The following ECEL1 variants were observed in gnomAD, a reference collection of about 807,000 sequenced individuals.
ECEL1 encodes the protein endothelin-converting enzyme-like 1.
A neutral mutation model predicts 101.8 loss-of-function variants in ECEL1; 87 were observed. The ratio of observed to expected loss-of-function variants is 0.85; its 90% CI spans 0.72 to 1.02. The LOEUF (loss-of-function observed/expected upper bound fraction) is 1.02, where lower values mean the gene tolerates loss of function less well. Among genes scored for constraint, ECEL1 ranks in the 50% least tolerant of loss-of-function variants. The pLI is 0.00. For missense variants in ECEL1, 1,032 were observed against 1,079.2 expected (o/e 0.96, Z 0.61); for synonymous variants, 487 against 468.7 (o/e 1.04, Z -0.50).
At position 232,482,573 on chromosome 2, in the gene ECEL1, T is replaced by G. The variant is rs370641510; in HGVS notation, c.1721A>C (p.Tyr574Ser). The G allele has an allele frequency of 2.5e-6, 4 of 1,613,560 alleles. No individual in the cohort carries two copies. The highest frequency in any genetic ancestry group is 3.4e-6 in the Non-Finnish European group (4 of 1,179,888). ...ACCCATCTGGTTCTTGTTGGGTAGATAGTAGGCATTGAGCGCCTGTGGGGG... is the reference window on the plus strand; with the variant it reads ...ACCCATCTGGTTCTTGTTGGGTAGAGAGTAGGCATTGAGCGCCTGTGGGGG... Reference protein sequence around the residue: ...LLPPQALNAYYLPNKNQMVFP... With the variant: ...LLPPQALNAYSLPNKNQMVFP... The change falls in exon 11 of 18, where the codon TAT becomes TCT. Residue 574 changes from tyrosine (Y) to serine (S), a missense_variant. Coordinates refer to ENST00000304546, the MANE Select transcript of ECEL1 (RefSeq NM_004826.4).
At position 232,482,482 on chromosome 2, in the gene ECEL1, G is replaced by C; in HGVS notation, c.1745-13C>G. ...CCCGCGGGGAACACTACAAGAAGGG[G>C]GTGCTCAGTGGGAAACCCATCCACT... On this transcript the variant is annotated splice_polypyrimidine_tract_variant and intron_variant, in intron 11 of 17. Coordinates refer to ENST00000304546, the MANE Select transcript of ECEL1 (RefSeq NM_004826.4). 5.0e-6 allele frequency: 8 copies of C among 1,614,012 alleles called. No homozygotes were observed. The highest frequency in any genetic ancestry group is 5.9e-6 in the Non-Finnish European group (7 of 1,180,012).
In ECEL1 at chr2:232,479,980, C is replaced by T; in HGVS notation, c.*173G>A. ...CACAGCCCCCCAAAGTCCAGCCTCA[C>T]CCTGCTCCAGGCCCCTCCTGAAGTG... On this transcript the variant is annotated 3_prime_UTR_variant, in exon 18 of 18. Transcript: ENST00000304546. 1 of 640,230 alleles carries T rather than the reference C, an allele frequency of 1.6e-6. No individual in the cohort carries two copies. The highest frequency in any genetic ancestry group is 2.7e-6 in the Non-Finnish European group (1 of 365,206). 39.7% of individuals were successfully genotyped at this position (640,230 alleles called of 1,614,324 possible). A position where few individuals can be genotyped will look rare whatever the true frequency, so the allele number is the denominator to read the frequency against.
At position 232,480,452 on chromosome 2, in the gene ECEL1, C is replaced by T. The variant is rs199696717; in HGVS notation, c.2175G>A (p.Ser725=). Residue 725 remains serine (S), a synonymous_variant, in exon 17 of 18, where the codon TCG becomes TCA. Coordinates refer to ENST00000304546, the MANE Select transcript of ECEL1 (RefSeq NM_004826.4). ...TCAGCACCTGCAGGTAGATGGACTG[C>T]GACCGCCGCTTGATGCACCAGTTCT... ...FAQNWCIKRR[S]QSIYLQVLTD... 272 of 1,613,864 alleles carry T rather than the reference C, an allele frequency of 1.7e-4. 1 individual carries two copies. The African/African-American group carries it at 2.5e-3, about 15-fold the overall frequency.
At position 232,486,162 on chromosome 2, in the gene ECEL1, CAGG is replaced by C; in HGVS notation, c.489_491del (p.Leu165del). ...CAGGCCCACCCCCGGGCCGCGCCAG[CAGG>C]CGCCGTAGGCGCTCCTCGTTTTGCT... On this transcript the variant is annotated inframe_deletion, in exon 2 of 18. Transcript: ENST00000304546. 7.6e-6 allele frequency: 12 copies of C among 1,576,026 alleles called. No individual in the cohort carries two copies. Among genetic ancestry groups the C allele is most frequent in the Non-Finnish European group, 1.0e-5 (12 of 1,166,614 alleles).
chr2:232,486,155 G>A lies in ECEL1; in HGVS notation c.499C>T (p.Arg167Trp), dbSNP rs1275600002. ...GCGCCGCCAGGCCCACCCCCGGGCC[G>A]CGCCAGCAGGCGCCGTAGGCGCTCC... ...NEERLRRLLARPGGGPGGAAQ... is the reference protein window; with the variant it reads ...NEERLRRLLAWPGGGPGGAAQ... Residue 167 changes from arginine to tryptophan, a missense_variant, in exon 2 of 18, where the codon CGG (arginine) becomes TGG (tryptophan). Coordinates refer to ENST00000304546, the MANE Select transcript of ECEL1 (RefSeq NM_004826.4). 1.3e-6 allele frequency: 2 copies of A among 1,568,168 alleles called. No individual in the cohort carries two copies. The highest frequency in any genetic ancestry group is 8.6e-7 in the Non-Finnish European group (1 of 1,162,572).
intron 8 of ECEL1, 94 bp downstream of exon 8, chr2:232,483,322 G>T: frequency 6.5e-7 from 1 of 1,544,586 alleles, no homozygotes; most frequent in South Asian, 1.2e-5. Flanking sequence ...TCAACTCCAC[G>T]AAGGCCTCTT....
At position 232,482,435 on chromosome 2, in the gene ECEL1, G is replaced by A. The variant is rs552489480; in HGVS notation, c.1779C>T (p.Tyr593=). ...FPAGILQPTL[Y]DPDFPQSLNY... The stretch of plus-strand genomic sequence containing the variant: ...GTACTCACTGTGGGAAGTCAGGGTC[G>A]TACAGGGTGGGCTGCAGGATGCCCG... The change falls in exon 12 of 18, where the codon TAC becomes TAT. Residue 593 remains tyrosine, a synonymous_variant. Coordinates refer to ENST00000304546, the MANE Select transcript of ECEL1 (RefSeq NM_004826.4). 70 of 1,613,990 alleles carry A rather than the reference G, an allele frequency of 4.3e-5. No individual in the cohort carries two copies. The highest frequency in any genetic ancestry group is 1.3e-4 in the South Asian group (12 of 91,084).
intron 12 of ECEL1, 150 bp from the exon 13 acceptor site, chr2:232,481,999 T>C (rs1690592462): frequency 6.5e-6 from 6 of 929,650 alleles, no homozygotes; most frequent in Non-Finnish European, 8.1e-6. Context: ...CACATGTGCC[T>C]CAGCTTCCTC....
chr2:232,485,890 T>C lies in ECEL1; in HGVS notation c.764A>G (p.Asn255Ser). ...FSLTVSLDDR[N>S]SSRYVIRIDQ... is the part of the protein sequence containing the mutation. ...CACGCGGATGACGTAGCGCGAGGAG[T>C]TCCTGTCGTCCAGGCTGACCGTGAG... The change falls in exon 2 of 18, where the codon AAC becomes AGC. Residue 255 changes from asparagine to serine, a missense_variant. Transcript: ENST00000304546. The C allele has an allele frequency of 6.4e-7, 1 of 1,562,064 alleles. No individual in the cohort carries two copies.
intron 7 of ECEL1, 46 bp downstream of exon 7, chr2:232,483,955 C>T (rs745982193): frequency 4.5e-6 from 7 of 1,553,650 alleles, no homozygotes; most frequent in South Asian, 3.7e-5. Context: ...GAGGGCTCCA[C>T]CCTCAGTTCA....
chr2:232,480,269 C>A lies in ECEL1; in HGVS notation c.2229-17G>T. ...CCCAGCACCCTGGGGTGGGGAGAGA[C>A]CCACACAGTGTTGGGCCCTGCAGCC... On this transcript the variant is annotated splice_polypyrimidine_tract_variant and intron_variant, in intron 17 of 17. Transcript: ENST00000304546. 6.2e-7 allele frequency: 1 copy of A among 1,613,222 alleles called. No individual in the cohort carries two copies. The highest frequency in any genetic ancestry group is 1.1e-5 in the South Asian group (1 of 91,048).
intron 5 of ECEL1, 63 bp from the exon 6 acceptor site, chr2:232,484,659 G>A: frequency 1.2e-6 from 2 of 1,606,812 alleles, no homozygotes; most frequent in Middle Eastern, 1.7e-4. Flanking sequence ...AGACAGGGAG[G>A]GGGCAGAGAG....
Position 232,484,811 on chromosome 2 carries a change from ATCT to A in ECEL1, c.1046_1048del (p.Lys349del). On this transcript the variant is annotated inframe_deletion, in exon 5 of 18. Transcript: ENST00000304546. Reference sequence around the variant, plus strand: ...CTGGGCCACACTCACGTGGGGGGTGATCTTCTGCAGCTGCCCCAGCGTCACCTT... The same window carrying A: ...CTGGGCCACACTCACGTGGGGGGTGATCTGCAGCTGCCCCAGCGTCACCTT... 1.2e-6 allele frequency: 2 copies of A among 1,613,908 alleles called. No homozygotes were observed. Among genetic ancestry groups the A allele is most frequent in the South Asian group, 2.2e-5 (2 of 91,086 alleles).
At chr2:232,487,413 A>C (rs910036420) in intron 1 of ECEL1, among the ~76,000 whole-genome samples, 2 of 147,358 alleles carry the variant, frequency 1.4e-5, no homozygotes, top group East Asian at 2.0e-4. Flanking sequence ...CCCTCCCCCC[A>C]CTCCCACCAT....
rs1690531290 is a variant in ECEL1 at position 232,479,913 on chromosome 2, GC to G, written c.*239del. Reference sequence around the variant, plus strand: ...ACAATCCAGCCTGGCAGAGGGTCTGGCCCCCTTAGAGCAGAATCTGGGGACC... The same window carrying G: ...ACAATCCAGCCTGGCAGAGGGTCTGGCCCCTTAGAGCAGAATCTGGGGACC... On this transcript the variant is annotated 3_prime_UTR_variant, in exon 18 of 18. Transcript: ENST00000304546. The G allele has an allele frequency of 8.7e-6, 5 of 571,482 alleles. No homozygotes were observed. The highest frequency in any genetic ancestry group is 1.6e-5 in the Non-Finnish European group (5 of 319,210). 35.4% of individuals were successfully genotyped at this position (571,482 alleles called of 1,614,324 possible).
In ECEL1 at chr2:232,480,270, CCA is replaced by C; in HGVS notation, c.2229-20_2229-19del. 6.2e-7 allele frequency: 1 copy of C among 1,613,266 alleles called. No individual in the cohort carries two copies. The highest frequency in any genetic ancestry group is 8.5e-7 in the Non-Finnish European group (1 of 1,179,596). ...CCAGCACCCTGGGGTGGGGAGAGAC[CCA>C]CACAGTGTTGGGCCCTGCAGCCACT... On this transcript the variant is annotated intron_variant, in intron 17 of 17. Coordinates refer to ENST00000304546, the MANE Select transcript of ECEL1 (RefSeq NM_004826.4).
At chr2:232,484,951 C>T (rs780950270) in intron 4 of ECEL1, 30 bp downstream of exon 4, 1 of 1,612,774 alleles carries the variant, frequency 6.2e-7, no homozygotes, top group African/African-American at 1.3e-5. Context: ...CCCTCAAGCC[C>T]AGGGCAGCCT....
chr2:232,480,171 G>T lies in ECEL1; in HGVS notation c.2310C>A (p.His770Gln). Residue 770 changes from histidine (H) to glutamine (Q), a missense_variant, in exon 18 of 18, where the codon CAC (histidine) becomes CAA (glutamine). Physicochemically the swap from His to Gln is conservative, Grantham distance 24 (BLOSUM62 0). Transcript: ENST00000304546. ...GCCAGGCTCACCACACGGAACACTT[G>T]TGGGCAGGGTTCATGGGTGAGTCCT... ...CPKDSPMNPAHKCSVW is the reference protein window; with the variant it reads ...CPKDSPMNPAQKCSVW 2 of 1,613,992 alleles carry T rather than the reference G, an allele frequency of 1.2e-6. No individual in the cohort carries two copies. The highest frequency in any genetic ancestry group is 1.7e-5 in the Admixed American group (1 of 60,014).
rs775057021 is a variant in ECEL1 at position 232,486,642 on chromosome 2, C to T, written c.12G>A (p.Pro4=). 31 of 1,528,452 alleles carry T rather than the reference C, an allele frequency of 2.0e-5. No individual in the cohort carries two copies. Among genetic ancestry groups the T allele is most frequent in the South Asian group, 1.1e-4 (9 of 83,614 alleles). 94.7% of individuals were successfully genotyped at this position (1,528,452 alleles called of 1,614,324 possible). A position where few individuals can be genotyped will look rare whatever the true frequency, so the allele number is the denominator to read the frequency against. The change falls in exon 2 of 18, where the codon CCG becomes CCA. Residue 4 remains proline (P), a synonymous_variant. Coordinates refer to ENST00000304546, the MANE Select transcript of ECEL1 (RefSeq NM_004826.4). ...CATCGTAGTGCGCCGTCAGCGAATA[C>T]GGGGGCTCCATGGCGCCGAGGCCGC... MEP[P]YSLTAHYDEF... is the part of the protein sequence containing the mutation.
Sources: allele counts gnomAD v4.1 joint callset (sites outside exome capture counted in the v4.1 genomes callset), GRCh38; gene constraint gnomAD v4.1.1; transcripts MANE v1.5; gene names NCBI Gene and HGNC (gene_info 2026-07-23, HGNC 2026-07-21).